Variants in NRCAM observed in about 807,000 individuals in gnomAD.
NRCAM encodes the protein neuronal cell adhesion molecule.
NRCAM carries 83 observed loss-of-function variants against 156.5 expected under a neutral mutation model. The ratio of observed to expected loss-of-function variants is 0.53; its 90% CI spans 0.44 to 0.64. The LOEUF is 0.64. Among genes scored for constraint, NRCAM ranks in the 30% least tolerant of loss-of-function variants. The pLI is 0.00. For missense variants in NRCAM, 1,417 were observed against 1,597.3 expected, an observed-to-expected ratio of 0.89 and a Z score of 1.92; for synonymous variants, 538 against 563.9, an observed-to-expected ratio of 0.95 and a Z score of 0.65.
chr7:108,363,501 GCCTCT>G (rs2099572520), intron 2 of NRCAM, among the ~76,000 whole-genome samples: 1 of 152,122 alleles, frequency 6.6e-6, no homozygotes, highest in African/African-American at 2.4e-5. Context: ...GCCTGCCTTG[GCCTCT>G]CAAAGTTATG....
At chr7:108,296,962 T>C (rs906161306) in intron 3 of NRCAM, among the ~76,000 whole-genome samples, 6 of 152,112 alleles carry the variant, frequency 3.9e-5, no homozygotes, top group Non-Finnish European at 8.8e-5. Context: ...CGAAAGAGGG[T>C]ACTAGGCAAA....
chr7:108,197,366 T>C (rs1161304364), intron 14 of NRCAM, among the ~76,000 whole-genome samples: 1 of 152,204 alleles, frequency 6.6e-6, no homozygotes, highest in East Asian at 1.9e-4. Flanking sequence ...GGCTGAAGTA[T>C]AATTCCCAGG....
chr7:108,360,630 C>G (rs56332346), intron 2 of NRCAM, among the ~76,000 whole-genome samples: 2 of 152,182 alleles, frequency 1.3e-5, no homozygotes, highest in African/African-American at 4.8e-5. Context: ...ACAGTGGACA[C>G]TGCTGTGAGT....
intron 3 of NRCAM, among the ~76,000 whole-genome samples, chr7:108,299,399 G>A (rs1252148674): frequency 7.2e-5 from 11 of 152,038 alleles, no homozygotes; most frequent in Non-Finnish European, 1.5e-4. Flanking sequence ...CTATTACTGT[G>A]GACAAAGGTC....
At chr7:108,405,625 CAA>C (rs1022274672) in intron 1 of NRCAM, among the ~76,000 whole-genome samples, 3 of 152,108 alleles carry the variant, frequency 2.0e-5, no homozygotes, top group Non-Finnish European at 4.4e-5. Flanking sequence ...CATTTCTGCT[CAA>C]AGAGTTAAGC....
chr7:108,373,970 G>A (rs2099645637), intron 2 of NRCAM, among the ~76,000 whole-genome samples: 1 of 152,106 alleles, frequency 6.6e-6, no homozygotes, highest in Admixed American at 6.6e-5. Context: ...CAAAACAACA[G>A]TGATGCCAGC....
intron 30 of NRCAM, among the ~76,000 whole-genome samples, chr7:108,165,665 T>C (rs1415052530): frequency 6.6e-6 from 1 of 152,236 alleles, no homozygotes. Flanking sequence ...ATGTGTGGTT[T>C]TCTTAAAACA....
intron 20 of NRCAM, 131 bp downstream of exon 20, chr7:108,189,514 T>A: frequency 1.6e-6 from 1 of 616,154 alleles, no homozygotes; most frequent in Non-Finnish European, 2.9e-6. Context: ...TAAATAAATA[T>A]TTTTATTCTA....
At chr7:108,393,394 A>G (rs957096128) in intron 2 of NRCAM, among the ~76,000 whole-genome samples, 1 of 152,156 alleles carries the variant, frequency 6.6e-6, no homozygotes, top group East Asian at 1.9e-4. Context: ...CTGTTTATAT[A>G]TAATATAAAC....
At chr7:108,200,407 T>C (rs192679149) in intron 13 of NRCAM, among the ~76,000 whole-genome samples, 6 of 152,032 alleles carry the variant, frequency 3.9e-5, no homozygotes, top group Admixed American at 6.6e-5. Context: ...AGGGCAGCCA[T>C]GGACCCTGAA....
At chr7:108,434,166 G>A (rs1019748170) in intron 1 of NRCAM, among the ~76,000 whole-genome samples, 3 of 152,144 alleles carry the variant, frequency 2.0e-5, no homozygotes, top group Non-Finnish European at 2.9e-5. Context: ...GCCTGCATCT[G>A]CTTCCATCCC....
intron 2 of NRCAM, among the ~76,000 whole-genome samples, chr7:108,347,102 A>C (rs536837415): frequency 1.7e-3 from 234 of 137,824 alleles, no homozygotes; most frequent in African/African-American, 5.8e-3. Flanking sequence ...CAGTGGTGCA[A>C]TCTCGGCTCA....
At chr7:108,449,364 C>G (rs150514774) in intron 1 of NRCAM, among the ~76,000 whole-genome samples, 1 of 152,130 alleles carries the variant, frequency 6.6e-6, no homozygotes, top group Non-Finnish European at 1.5e-5. Context: ...TGACCCAGCT[C>G]CCCCCTCCCT....
At chr7:108,274,728 T>G (rs1257495566) in intron 3 of NRCAM, among the ~76,000 whole-genome samples, 1 of 152,214 alleles carries the variant, frequency 6.6e-6, no homozygotes, top group Non-Finnish European at 1.5e-5. Context: ...GAATACACTT[T>G]ATTTCTTTCT....
intron 20 of NRCAM, among the ~76,000 whole-genome samples, chr7:108,186,658 T>C (rs2066979248): frequency 6.6e-6 from 1 of 152,244 alleles, no homozygotes; most frequent in Non-Finnish European, 1.5e-5. Context: ...CCAAAAGAAT[T>C]ACCTAATGTT....
chr7:108,293,767 C>CT (rs2098386298), intron 3 of NRCAM, among the ~76,000 whole-genome samples: 1 of 152,118 alleles, frequency 6.6e-6, no homozygotes, highest in African/African-American at 2.4e-5. Flanking sequence ...TTATTCTTCT[C>CT]TTTTTACAAA....
chr7:108,352,495 C>T (rs1330197359), intron 2 of NRCAM, among the ~76,000 whole-genome samples: 1 of 152,188 alleles, frequency 6.6e-6, no homozygotes, highest in South Asian at 2.1e-4. Flanking sequence ...TGCCTGGATG[C>T]TGGAAAGGTT....
intron 3 of NRCAM, among the ~76,000 whole-genome samples, chr7:108,250,425 C>CAAAAAAAAAAAA (rs34274206): frequency 1.5e-5 from 1 of 67,400 alleles, no homozygotes; most frequent in Middle Eastern, 0.017. Flanking sequence ...CATCTTACCT[C>CAAAAAAAAAAAA]AAAAAAAAAA....
intron 3 of NRCAM, among the ~76,000 whole-genome samples, chr7:108,269,336 G>A (rs1330129203): frequency 6.6e-6 from 1 of 152,048 alleles, no homozygotes; most frequent in Non-Finnish European, 1.5e-5. Context: ...ATCTTCCAGG[G>A]CATAAAACCT....
Sources: gnomAD v4.1 joint callset for allele counts (sites outside exome capture counted in the v4.1 genomes callset) on GRCh38, gnomAD v4.1.1 for gene constraint, MANE v1.5 for transcripts, NCBI Gene and HGNC (gene_info 2026-07-23, HGNC 2026-07-21) for gene names.